Variants in PMEL observed in about 807,000 individuals in gnomAD.
The protein encoded by PMEL is premelanosome protein.
PMEL carries 53 observed loss-of-function variants against 64.9 expected under a neutral mutation model. The ratio of observed to expected loss-of-function variants is 0.82; its 90% CI spans 0.66 to 1.03. The LOEUF (loss-of-function observed/expected upper bound fraction) is 1.03, where lower values mean the gene tolerates loss of function less well. Ranked by LOEUF, PMEL falls within the 50% of genes least tolerant of loss-of-function variation. The pLI, the probability that PMEL is intolerant of heterozygous loss-of-function variation, is 0.00. For synonymous variants in PMEL, 299 were observed against 316.2 expected, an observed-to-expected ratio of 0.95 and a Z score of 0.58; for missense variants, 716 against 814.9, an observed-to-expected ratio of 0.88 and a Z score of 1.48.
At chr12:55,956,532 A>G (rs1725096626) in intron 6 of PMEL, 1 of 338,506 alleles carries the variant, frequency 3.0e-6, no homozygotes, top group Non-Finnish European at 5.4e-6. Flanking sequence ...TTTAAGCATC[A>G]CTGTTTCATT....
At position 55,958,501 on chromosome 12, in the gene PMEL, T is replaced by G. The variant is rs1342995323; in HGVS notation, c.441A>C (p.Arg147Ser). ...AGGTCTTCCAGACATAAACAAAGCT[T>G]CTCTTCTGAGACCAAGAGCCAGATG... ...PCPSGSWSQK[R>S]SFVYVWKTWG... The change falls in exon 4 of 11, where the codon AGA becomes AGC. Residue 147 changes from arginine (R) to serine (S), a missense_variant. Physicochemically the swap from Arg to Ser is moderately radical, Grantham distance 110. Coordinates refer to ENST00000548747, the MANE Select transcript of PMEL (RefSeq NM_001384361.1). 1.2e-6 allele frequency: 2 copies of G among 1,613,924 alleles called. No homozygotes were observed. The highest frequency in any genetic ancestry group is 1.7e-6 in the Non-Finnish European group (2 of 1,179,954).
intron 5 of PMEL, 84 bp from the exon 6 acceptor site, chr12:55,957,755 AC>A: frequency 6.5e-7 from 1 of 1,533,002 alleles, no homozygotes; most frequent in Admixed American, 1.9e-5. Context: ...CTCCAAGCTG[AC>A]TGGCTGGCCC....
intron 3 of PMEL, among the ~76,000 whole-genome samples, chr12:55,960,167 T>C (rs1889043575): frequency 7.4e-6 from 1 of 135,186 alleles, no homozygotes; most frequent in African/African-American, 2.9e-5. Context: ...GCTGAGATCC[T>C]GCCACTGCAC....
chr12:55,960,905 T>C (rs1236897663), intron 3 of PMEL, among the ~76,000 whole-genome samples: 1 of 149,878 alleles, frequency 6.7e-6, no homozygotes, highest in African/African-American at 2.4e-5. Flanking sequence ...TAACTTGTTT[T>C]AAAAATTAAA....
chr12:55,958,113 A>G, intron 4 of PMEL, 29 bp from the exon 5 acceptor site: 1 of 1,612,208 alleles, frequency 6.2e-7, no homozygotes, highest in Non-Finnish European at 8.5e-7. Context: ...AAAGCAAGGA[A>G]GAAGAGATTA....
chr12:55,957,678 T>G lies in PMEL; in HGVS notation c.632-7A>C. ...ACGGAGAAAGGCACCTGGTCTGGGA[T>G]TGGAGCCAGAAAAGGTGAGAACCAG... On this transcript the variant is annotated splice_polypyrimidine_tract_variant and splice_region_variant and intron_variant, in intron 5 of 10. Coordinates refer to ENST00000548747, the MANE Select transcript of PMEL (RefSeq NM_001384361.1). The G allele has an allele frequency of 1.9e-6, 3 of 1,604,704 alleles. No homozygotes were observed. The Admixed American group carries it at 5.1e-5, about 27-fold the overall frequency.
chr12:55,954,652 T>C (rs1444215502), intron 10 of PMEL, among the ~76,000 whole-genome samples: 1 of 152,142 alleles, frequency 6.6e-6, no homozygotes, highest in Admixed American at 6.5e-5. Context: ...ATGCCTGTAA[T>C]CCCAGCACTT....
At chr12:55,959,518 TA>T (rs1421123170) in intron 3 of PMEL, among the ~76,000 whole-genome samples, 1 of 151,970 alleles carries the variant, frequency 6.6e-6, no homozygotes, top group African/African-American at 2.4e-5. Context: ...ATAACAGCAC[TA>T]GGGGGCCAGG....
At chr12:55,963,812 A>T (rs950414392) in intron 1 of PMEL, among the ~76,000 whole-genome samples, 6 of 152,174 alleles carry the variant, frequency 3.9e-5, no homozygotes, top group Non-Finnish European at 8.8e-5. Context: ...TAATGTATGT[A>T]TTTCAGCACA....
chr12:55,964,047 G>T (rs112449360), intron 1 of PMEL, among the ~76,000 whole-genome samples: 5,835 of 151,508 alleles, frequency 0.039, 355 homozygotes, highest in African/African-American at 0.13. Flanking sequence ...GCAGTGGCAC[G>T]TTCATCACTC....
chr12:55,961,127 C>T (rs1403914611), intron 3 of PMEL, 190 bp downstream of exon 3: 73 of 513,638 alleles, frequency 1.4e-4, no homozygotes, highest in Non-Finnish European at 1.8e-5. Context: ...ATGGCGTGAA[C>T]CCGGGAGGCA....
intron 2 of PMEL, 30 bp downstream of exon 2, chr12:55,961,592 T>A (rs1444305858): frequency 6.3e-7 from 1 of 1,597,298 alleles, no homozygotes; most frequent in Admixed American, 1.7e-5. Context: ...ACTCCCACCA[T>A]GCCCTCCCCT....
At chr12:55,961,259 G>T in intron 3 of PMEL, 58 bp downstream of exon 3, 2 of 1,493,334 alleles carry the variant, frequency 1.3e-6, no homozygotes, top group Non-Finnish European at 9.3e-7. Flanking sequence ...TGAGCTCACT[G>T]GGCATACCAG....
In PMEL at chr12:55,961,475, A is replaced by C; in HGVS notation, c.188-12T>G. ...GGACACTTGACCACCTGGGAAGGAA[A>C]GCTACATTAGCTGGGACTCCTGGGC... On this transcript the variant is annotated splice_polypyrimidine_tract_variant and intron_variant, in intron 2 of 10. Coordinates refer to ENST00000548747, the MANE Select transcript of PMEL (RefSeq NM_001384361.1). The C allele has an allele frequency of 1.2e-6, 2 of 1,613,866 alleles. No homozygotes were observed. Among genetic ancestry groups the C allele is most frequent in the South Asian group, 2.2e-5 (2 of 91,082 alleles).
At chr12:55,958,747 C>A (rs1216440547) in intron 3 of PMEL, 140 bp from the exon 4 acceptor site, 3 of 857,312 alleles carry the variant, frequency 3.5e-6, no homozygotes, top group East Asian at 5.2e-5. Context: ...ATGATATAAC[C>A]ATTTGGGGTG....
intron 1 of PMEL, among the ~76,000 whole-genome samples, chr12:55,965,507 G>A (rs1470069980): frequency 6.7e-6 from 1 of 149,910 alleles, no homozygotes; most frequent in African/African-American, 2.4e-5. Flanking sequence ...AGAACAAAAG[G>A]TCTGGGCTGT....
upstream of PMEL, chr12:55,966,267 C>G (rs1195880749): frequency 3.5e-6 from 2 of 566,850 alleles, no homozygotes; most frequent in Admixed American, 6.2e-5. Context: ...CAAGAGCTAA[C>G]TGAAAGGCAG....
rs1889097277 is a variant in PMEL at position 55,961,406 on chromosome 12, G to A, written c.245C>T (p.Ala82Val). The change falls in exon 3 of 11, where the codon GCC becomes GTC. Residue 82 changes from alanine to valine, a missense_variant. Coordinates refer to ENST00000548747, the MANE Select transcript of PMEL (RefSeq NM_001384361.1). ...NDGPTLIGAN[A>V]SFSIALNFPG... ...GAAGTTCAAGGCAATAGAGAAGGAG[G>A]CATTTGCACCAATCAGTGTAGGCCC... 1.2e-6 allele frequency: 2 copies of A among 1,613,908 alleles called. No individual in the cohort carries two copies. Among genetic ancestry groups the A allele is most frequent in the Admixed American group, 1.7e-5 (1 of 60,002 alleles).
At position 55,965,207 on chromosome 12, in the gene PMEL, G is replaced by A. The variant is rs573490074; in HGVS notation, c.76+729C>T. On this transcript the variant is annotated intron_variant, in intron 1 of 10. Coordinates refer to ENST00000548747, the MANE Select transcript of PMEL (RefSeq NM_001384361.1). ...CTCCCAAAGTGCTGGGATTACAGGC[G>A]TGAGCCACGGCGCCCGGCCTCATTC... Among the ~76,000 whole-genome samples, 73 of 152,256 alleles carry A rather than the reference G, an allele frequency of 4.8e-4. 1 individual carries two copies. The South Asian group carries it at 7.7e-3, about 16-fold the overall frequency.
Sources: gnomAD v4.1 joint callset for allele counts (sites outside exome capture counted in the v4.1 genomes callset) on GRCh38, gnomAD v4.1.1 for gene constraint, MANE v1.5 for transcripts, NCBI Gene and HGNC (gene_info 2026-07-23, HGNC 2026-07-21) for gene names.